PPFIBP2: variants seen among roughly 807,000 people sequenced by gnomAD.
The protein encoded by PPFIBP2 is liprin-beta-2.
Under a neutral mutation model 118.3 loss-of-function variants are expected in PPFIBP2, and 118 were observed. That is an observed-to-expected ratio of 1.00 (90% CI 0.86 to 1.16). The LOEUF (loss-of-function observed/expected upper bound fraction) is 1.16. PPFIBP2 is among the 50% of genes most tolerant of loss of function. The pLI is 0.00. For synonymous variants in PPFIBP2, 414 were observed against 397.4 expected, an observed-to-expected ratio of 1.04 and a Z score of -0.50; for missense variants, 1,195 against 1,073.1, an observed-to-expected ratio of 1.11 and a Z score of -1.59.
chr11:7,631,823 C>T (rs1174324770), intron 11 of PPFIBP2, among the ~76,000 whole-genome samples: 1 of 152,194 alleles, frequency 6.6e-6, no homozygotes, highest in Non-Finnish European at 1.5e-5. Context: ...CTTACCAAGT[C>T]TTACTGGATA....
At chr11:7,550,762 G>A (rs1306719821) in intron 2 of PPFIBP2, among the ~76,000 whole-genome samples, 1 of 152,170 alleles carries the variant, frequency 6.6e-6, no homozygotes. Context: ...GACTGGGGAA[G>A]GCAGACTCAC....
chr11:7,566,327 A>G (rs1373605743), intron 3 of PPFIBP2, among the ~76,000 whole-genome samples: 2 of 152,198 alleles, frequency 1.3e-5, no homozygotes, highest in Non-Finnish European at 2.9e-5. Flanking sequence ...ATCTGGACAA[A>G]GAATGCATTT....
In PPFIBP2 at chr11:7,565,638, G is replaced by T. The variant is rs780990777; in HGVS notation, c.150G>T (p.Val50=). The change falls in exon 3 of 24, where the codon GTG becomes GTT. Residue 50 remains valine (V), a synonymous_variant. Transcript: ENST00000299492. The part of the protein sequence containing the change: ...SPASYMNPFP[V]LHLIEDLRLA... ...CCTCCTACATGAACCCCTTCCCGGT[G>T]CTCCATCTCATCGAGGACTTGAGGC... The T allele has an allele frequency of 1.2e-6, 2 of 1,614,214 alleles. No homozygotes were observed. Among genetic ancestry groups the T allele is most frequent in the Admixed American group, 3.3e-5 (2 of 60,032 alleles).
intron 5 of PPFIBP2, among the ~76,000 whole-genome samples, chr11:7,601,961 T>C (rs1846690252): frequency 6.6e-6 from 1 of 151,722 alleles, no homozygotes; most frequent in African/African-American, 2.4e-5. Flanking sequence ...GGTGTGGTGG[T>C]ACATACCTGT....
chr11:7,518,701 G>A (rs1470228923), intron 1 of PPFIBP2, among the ~76,000 whole-genome samples: 1 of 152,110 alleles, frequency 6.6e-6, no homozygotes, highest in Non-Finnish European at 1.5e-5. Context: ...TAAGAGGTAG[G>A]GTCGTCTGGA....
chr11:7,594,186 C>T (rs890764622), intron 4 of PPFIBP2, among the ~76,000 whole-genome samples: 5 of 152,176 alleles, frequency 3.3e-5, no homozygotes, highest in African/African-American at 1.2e-4. Flanking sequence ...ATTTTATGAA[C>T]ATAAGGGTAA....
At chr11:7,665,362 C>A in the PPFIBP2 span, 1 of 1,453,430 alleles carries the variant, frequency 6.9e-7, no homozygotes. Flanking sequence ...AATTGCTGAG[C>A]ACGTGGAGGT....
chr11:7,634,896 C>G (rs1191005346), intron 13 of PPFIBP2, among the ~76,000 whole-genome samples: 1 of 151,972 alleles, frequency 6.6e-6, no homozygotes, highest in Non-Finnish European at 1.5e-5. Flanking sequence ...CAGGGAAGAT[C>G]TTGACTACTA....
Position 7,628,309 on chromosome 11 carries a change from T to C in PPFIBP2, c.851T>C (p.Met284Thr), listed in dbSNP as rs1404098362. The C allele has an allele frequency of 6.2e-7, 1 of 1,613,808 alleles. No homozygotes were observed. Among genetic ancestry groups the C allele is most frequent in the Non-Finnish European group, 8.5e-7 (1 of 1,179,896 alleles). The part of the protein sequence containing the change: ...ERDQEIQRLK[M>T]GMETLLLANE... ...GACCAAGAAATTCAACGTCTGAAAA[T>C]GGGGATGGAAACTTTGCTGCTTGCC... is the stretch of plus-strand genomic sequence containing the variant. The change falls in exon 9 of 24, where the codon ATG (methionine) becomes ACG (threonine). Residue 284 changes from methionine (M) to threonine (T), a missense_variant. Physicochemically the swap from Met to Thr is moderately conservative, Grantham distance 81. Coordinates refer to ENST00000299492, the MANE Select transcript of PPFIBP2 (RefSeq NM_003621.5).
downstream of PPFIBP2, among the ~76,000 whole-genome samples, chr11:7,656,467 G>A (rs1302702214): frequency 2.0e-5 from 3 of 152,204 alleles, no homozygotes; most frequent in African/African-American, 7.2e-5. Context: ...AAAGGAATCT[G>A]CCCACACTTG....
chr11:7,549,382 G>T, intron 1 of PPFIBP2, 58 bp from the exon 2 acceptor site: 1 of 1,450,034 alleles, frequency 6.9e-7, no homozygotes, highest in South Asian at 1.2e-5. Context: ...TTGCGATCTT[G>T]TGTGCGTAAC....
chr11:7,573,179 A>G (rs182057468), intron 3 of PPFIBP2, among the ~76,000 whole-genome samples: 3 of 152,152 alleles, frequency 2.0e-5, no homozygotes, highest in Non-Finnish European at 4.4e-5. Flanking sequence ...TCAGCAGTGC[A>G]CAACAGCAGG....
chr11:7,641,040 C>G (rs1468769606), intron 15 of PPFIBP2: 2 of 1,283,256 alleles, frequency 1.6e-6, no homozygotes, highest in South Asian at 2.5e-5. Flanking sequence ...GAGATCGTGG[C>G]CGGAGTGTCA....
intron 17 of PPFIBP2, 127 bp downstream of exon 17, chr11:7,642,553 T>G: frequency 9.5e-7 from 1 of 1,057,606 alleles, no homozygotes; most frequent in Non-Finnish European, 1.3e-6. Context: ...TCTTCCCCAG[T>G]CAAGCAGTCC....
intron 1 of PPFIBP2, among the ~76,000 whole-genome samples, chr11:7,533,043 G>GT (rs774202125): frequency 6.8e-6 from 1 of 146,016 alleles, no homozygotes; most frequent in Non-Finnish European, 1.5e-5. Context: ...GTTTTTTTTT[G>GT]TTGTTGTTGC....
In PPFIBP2 at chr11:7,650,983, C is replaced by T. The variant is rs201300272; in HGVS notation, c.2247+18C>T. The T allele has an allele frequency of 2.5e-6, 4 of 1,609,566 alleles. No homozygotes were observed. The African/African-American group carries it at 4.0e-5, about 16-fold the overall frequency. On this transcript the variant is annotated intron_variant, in intron 22 of 23. Transcript: ENST00000299492. ...GCCTCATTGTGAGTGGCTCTCTGGC[C>T]TAGCCCACCTGCCTTGGTGCAAATG...
chr11:7,564,358 G>A (rs1854701667), intron 2 of PPFIBP2, among the ~76,000 whole-genome samples: 1 of 152,148 alleles, frequency 6.6e-6, no homozygotes, highest in Non-Finnish European at 1.5e-5. Context: ...TGGGAACTCA[G>A]TTAAATGTAA....
At chr11:7,651,935 G>A in intron 23 of PPFIBP2, 91 bp downstream of exon 23, 1 of 1,232,250 alleles carries the variant, frequency 8.1e-7, no homozygotes, top group Non-Finnish European at 1.1e-6. Context: ...AGCCAGAGCA[G>A]CATGCGCAGC....
At chr11:7,566,088 T>C (rs1239701364) in intron 3 of PPFIBP2, among the ~76,000 whole-genome samples, 1 of 152,096 alleles carries the variant, frequency 6.6e-6, no homozygotes, top group Non-Finnish European at 1.5e-5. Flanking sequence ...CTTATTGAGT[T>C]CTAATCCCTG....
Sources: allele counts gnomAD v4.1 joint callset (sites outside exome capture counted in the v4.1 genomes callset), GRCh38; gene constraint gnomAD v4.1.1; transcripts MANE v1.5; gene names NCBI Gene and HGNC (gene_info 2026-07-23, HGNC 2026-07-21).